Variants in RABGAP1L observed in about 807,000 individuals in gnomAD.
RABGAP1L encodes RAB GTPase activating protein 1 like.
RABGAP1L carries 63 observed loss-of-function variants against 137.7 expected under a neutral mutation model. The ratio of observed to expected loss-of-function variants is 0.46; its 90% CI spans 0.37 to 0.56. The LOEUF (loss-of-function observed/expected upper bound fraction) is 0.56, where lower values mean the gene tolerates loss of function less well. Among genes scored for constraint, RABGAP1L ranks in the 20% least tolerant of loss-of-function variants. The pLI is 0.00. For synonymous variants in RABGAP1L, 431 were observed against 433.7 expected (o/e 0.99, Z 0.08); for missense variants, 1,095 against 1,244.0 (o/e 0.88, Z 1.80).
At chr1:174,811,122 AACC>A (rs1048710464) in intron 18 of RABGAP1L, among the ~76,000 whole-genome samples, 8 of 152,110 alleles carry the variant, frequency 5.3e-5, no homozygotes, top group Admixed American at 3.3e-4. Context: ...TAAGTGGTAT[AACC>A]CATGATTCCA....
At chr1:174,579,701 T>C (rs1557866361) in intron 13 of RABGAP1L, among the ~76,000 whole-genome samples, 1 of 152,214 alleles carries the variant, frequency 6.6e-6, no homozygotes. Flanking sequence ...AAATGAACTT[T>C]AAGAGCTAAG....
rs190202118 is a variant in RABGAP1L at position 174,800,794 on chromosome 1, T to A, written c.2212-11038T>A. Among the ~76,000 whole-genome samples the A allele has an allele frequency of 5.7e-3, 861 of 152,292 alleles. 4 individuals are homozygous for A. Among genetic ancestry groups the A allele is most frequent in the South Asian group, 0.013 (64 of 4,820 alleles). ...TTTTCTGCCTGGCTAGGCTCAGCAA[T>A]AAAGCAGAATACCCAAGTGCTTGAT... On this transcript the variant is annotated intron_variant, in intron 18 of 25. Coordinates refer to ENST00000681986, the MANE Select transcript of RABGAP1L (RefSeq NM_001366446.1).
intron 1 of RABGAP1L, among the ~76,000 whole-genome samples, chr1:174,176,395 T>A (rs1665851988): frequency 6.6e-6 from 1 of 152,150 alleles, no homozygotes; most frequent in Non-Finnish European, 1.5e-5. Flanking sequence ...TTTATAATAT[T>A]GGCACATCTT....
intron 18 of RABGAP1L, among the ~76,000 whole-genome samples, chr1:174,781,220 C>A (rs1686977159): frequency 6.6e-6 from 1 of 152,194 alleles, no homozygotes; most frequent in Non-Finnish European, 1.5e-5. Context: ...TCCACATCCT[C>A]TCCAGCACCT....
intron 18 of RABGAP1L, among the ~76,000 whole-genome samples, chr1:174,797,710 T>G (rs1688371834): frequency 3.7e-5 from 5 of 136,580 alleles, no homozygotes; most frequent in South Asian, 2.4e-4. Context: ...GTGTGTGGGG[T>G]GTGGTGTGTG....
At chr1:174,869,971 A>G (rs917927992) in intron 19 of RABGAP1L, among the ~76,000 whole-genome samples, 1 of 152,180 alleles carries the variant, frequency 6.6e-6, no homozygotes. Context: ...TATCCAGTCT[A>G]TGGTATTTTA....
intron 13 of RABGAP1L, among the ~76,000 whole-genome samples, chr1:174,500,341 A>G (rs1385639292): frequency 6.6e-6 from 1 of 152,046 alleles, no homozygotes; most frequent in East Asian, 1.9e-4. Context: ...CGGCCTCCCA[A>G]AGTGCTGGCA....
chr1:174,601,280 C>G (rs140088585), intron 13 of RABGAP1L, among the ~76,000 whole-genome samples: 3 of 152,188 alleles, frequency 2.0e-5, no homozygotes, highest in African/African-American at 7.2e-5. Flanking sequence ...GGGGCTGCTG[C>G]GAAGGTCTCT....
chr1:174,350,142 C>A (rs1395053370), intron 11 of RABGAP1L, among the ~76,000 whole-genome samples: 1 of 136,084 alleles, frequency 7.3e-6, no homozygotes, highest in South Asian at 2.5e-4. Flanking sequence ...GGGGGGCTGA[C>A]CCCCCACCTC....
chr1:174,728,342 G>A (rs567488956), intron 17 of RABGAP1L, among the ~76,000 whole-genome samples: 5 of 151,970 alleles, frequency 3.3e-5, no homozygotes, highest in East Asian at 1.9e-4. Context: ...GTTCAAGCTC[G>A]GAGCCAAATA....
intron 1 of RABGAP1L, among the ~76,000 whole-genome samples, chr1:174,216,290 AAG>A (rs1211897444): frequency 6.6e-6 from 1 of 152,166 alleles, no homozygotes; most frequent in Non-Finnish European, 1.5e-5. Flanking sequence ...AAAAATAACT[AAG>A]AGAATAATTG....
intron 13 of RABGAP1L, among the ~76,000 whole-genome samples, chr1:174,586,271 GGAACAGAAAACCAAACACCTCGT>G (rs200705147): frequency 0.089 from 13,510 of 151,888 alleles, 816 homozygotes; most frequent in East Asian, 0.22. Context: ...AACTAACGCA[GGAACAGAAAACCAAACACCTCGT>G]GAACAGAAAA....
At chr1:174,792,283 G>A (rs1687917355) in intron 18 of RABGAP1L, among the ~76,000 whole-genome samples, 1 of 152,192 alleles carries the variant, frequency 6.6e-6, no homozygotes, top group South Asian at 2.1e-4. Flanking sequence ...AGTTTGGGCA[G>A]CCCTATGAGA....
intron 13 of RABGAP1L, among the ~76,000 whole-genome samples, chr1:174,499,714 T>A (rs1661081963): frequency 6.6e-6 from 1 of 152,214 alleles, no homozygotes; most frequent in Admixed American, 6.5e-5. Context: ...TGCCTGGCAC[T>A]TATTGAGGGT....
intron 14 of RABGAP1L, among the ~76,000 whole-genome samples, chr1:174,674,436 CA>C (rs1480645674): frequency 1.3e-5 from 2 of 149,578 alleles, no homozygotes; most frequent in African/African-American, 2.5e-5. Context: ...TTTATGGCTG[CA>C]TAGTATTCCA....
chr1:174,215,722 G>T (rs181259843), intron 1 of RABGAP1L, among the ~76,000 whole-genome samples: 1 of 152,098 alleles, frequency 6.6e-6, no homozygotes, highest in East Asian at 1.9e-4. Context: ...CACTGTTGGT[G>T]GGAGTATGCA....
At chr1:174,750,591 G>A (rs1684272657) in intron 17 of RABGAP1L, among the ~76,000 whole-genome samples, 1 of 152,202 alleles carries the variant, frequency 6.6e-6, no homozygotes, top group African/African-American at 2.4e-5. Context: ...TACAGCCAAG[G>A]TAGCTGAACA....
intron 17 of RABGAP1L, among the ~76,000 whole-genome samples, chr1:174,728,307 A>G (rs1276584522): frequency 6.6e-6 from 1 of 152,238 alleles, no homozygotes; most frequent in Non-Finnish European, 1.5e-5. Context: ...TACAATAATC[A>G]GTAACATTTG....
chr1:174,435,292 A>T (rs1653125903), intron 13 of RABGAP1L, among the ~76,000 whole-genome samples: 1 of 152,208 alleles, frequency 6.6e-6, no homozygotes, highest in Admixed American at 6.5e-5. Context: ...TGCTGGGATT[A>T]TAAGTGTGAG....
Sources: allele counts gnomAD v4.1 joint callset (sites outside exome capture counted in the v4.1 genomes callset), GRCh38; gene constraint gnomAD v4.1.1; transcripts MANE v1.5; gene names NCBI Gene and HGNC (gene_info 2026-07-23, HGNC 2026-07-21).